SYNPR: variants seen among roughly 807,000 people sequenced by gnomAD.
SYNPR encodes synaptoporin.
SYNPR carries 23 observed loss-of-function variants against 32.9 expected under a neutral mutation model. That is an observed-to-expected ratio of 0.70 (90% confidence interval 0.50 to 0.99). SYNPR has a LOEUF of 0.99. Ranked by LOEUF, SYNPR falls within the 50% of genes least tolerant of loss-of-function variation. SYNPR has a pLI of 0.00. For synonymous variants in SYNPR, 146 were observed against 135.9 expected (o/e 1.07, Z -0.52); for missense variants, 318 against 349.3 (o/e 0.91, Z 0.71).
At chr3:63,579,199 C>T (rs749633964) in intron 4 of SYNPR, among the ~76,000 whole-genome samples, 1 of 152,054 alleles carries the variant, frequency 6.6e-6, no homozygotes, top group African/African-American at 2.4e-5. Flanking sequence ...CTGTTCAAAC[C>T]CATTTTAGGC....
intron 4 of SYNPR, among the ~76,000 whole-genome samples, chr3:63,572,281 C>T (rs995559508): frequency 8.3e-6 from 1 of 119,948 alleles, no homozygotes; most frequent in Non-Finnish European, 2.0e-5. Flanking sequence ...TTCTCCTTCT[C>T]CTCCTCCTCC....
At chr3:63,284,366 G>T (rs80277456) in intron 2 of SYNPR, among the ~76,000 whole-genome samples, 57 of 152,160 alleles carry the variant, frequency 3.7e-4, no homozygotes, top group African/African-American at 1.4e-3. Context: ...GGCTTGCATA[G>T]TTCTCCAACA....
In SYNPR at chr3:63,485,976, A is replaced by G. The variant is rs558749058; in HGVS notation, c.209+5020A>G. ...ATATGAGATTAGTAATCACTGTTCTAGATAATTAACAAAATTGTCCTTCAT... is the reference window on the plus strand; with the variant it reads ...ATATGAGATTAGTAATCACTGTTCTGGATAATTAACAAAATTGTCCTTCAT... On this transcript the variant is annotated intron_variant, in intron 3 of 5. Coordinates refer to ENST00000478300, the MANE Select transcript of SYNPR (RefSeq NM_001130003.2). 2.6e-5 allele frequency among the ~76,000 whole-genome samples: 4 copies of G among 152,348 alleles called. No individual in the cohort carries two copies. In the East Asian group the frequency reaches 7.7e-4, roughly 29 times the overall value.
rs189252402 is a variant in SYNPR at position 63,384,740 on chromosome 3, C to G, written c.85-96092C>G. Among the ~76,000 whole-genome samples the G allele has an allele frequency of 1.5e-4, 23 of 152,242 alleles. No individual in the cohort carries two copies. In the East Asian group the frequency reaches 4.1e-3, roughly 27 times the overall value. ...GTGTGGGACTGTGTTAAATGCTGTA[C>G]ATTGATTTTTCTCATCAAAACACCA... On this transcript the variant is annotated intron_variant, in intron 2 of 5. Coordinates refer to ENST00000478300, the MANE Select transcript of SYNPR (RefSeq NM_001130003.2).
intron 2 of SYNPR, among the ~76,000 whole-genome samples, chr3:63,262,663 C>T (rs1327567220): frequency 6.6e-6 from 1 of 152,110 alleles, no homozygotes; most frequent in African/African-American, 2.4e-5. Flanking sequence ...CGTGCCAAAG[C>T]CCAGCCCTAG....
At chr3:63,382,563 C>T (rs2087985720) in intron 2 of SYNPR, among the ~76,000 whole-genome samples, 1 of 152,186 alleles carries the variant, frequency 6.6e-6, no homozygotes, top group Non-Finnish European at 1.5e-5. Flanking sequence ...TTTGTCTGCC[C>T]TCATTGGTAT....
chr3:63,240,162 C>G (rs2086230634), intron 1 of SYNPR, among the ~76,000 whole-genome samples: 1 of 152,108 alleles, frequency 6.6e-6, no homozygotes, highest in Admixed American at 6.6e-5. Flanking sequence ...AGAGACTTAA[C>G]ATGCAAAGCA....
intron 2 of SYNPR, among the ~76,000 whole-genome samples, chr3:63,299,613 A>G (rs1320075706): frequency 6.6e-6 from 1 of 152,162 alleles, no homozygotes; most frequent in East Asian, 1.9e-4. Context: ...GACAGGCAGA[A>G]AAACATAGCT....
At chr3:63,466,100 C>T (rs903401813) in intron 2 of SYNPR, among the ~76,000 whole-genome samples, 1 of 152,124 alleles carries the variant, frequency 6.6e-6, no homozygotes, top group Admixed American at 6.6e-5. Flanking sequence ...TGTTGTTCTC[C>T]TCTATGTGTC....
chr3:63,342,356 T>A (rs2087381235), intron 2 of SYNPR, among the ~76,000 whole-genome samples: 1 of 152,218 alleles, frequency 6.6e-6, no homozygotes, highest in Non-Finnish European at 1.5e-5. Flanking sequence ...TAATATTTTC[T>A]CTGGACCAAT....
intron 3 of SYNPR, among the ~76,000 whole-genome samples, chr3:63,544,255 G>T (rs1200844674): frequency 6.6e-6 from 1 of 151,940 alleles, no homozygotes; most frequent in Non-Finnish European, 1.5e-5. Flanking sequence ...GACGATAAAG[G>T]GTACTTTTCC....
intron 4 of SYNPR, among the ~76,000 whole-genome samples, chr3:63,568,462 G>A (rs989902881): frequency 2.0e-5 from 3 of 152,082 alleles, no homozygotes; most frequent in Admixed American, 6.5e-5. Context: ...CCCTTCTTTG[G>A]GAGAACCACC....
intron 2 of SYNPR, among the ~76,000 whole-genome samples, chr3:63,396,996 C>G (rs2088223716): frequency 6.6e-6 from 1 of 150,774 alleles, no homozygotes; most frequent in East Asian, 2.0e-4. Context: ...CTCAGCCACT[C>G]AGGAGGCTGA....
At chr3:63,240,924 C>G (rs539288164) in intron 1 of SYNPR, among the ~76,000 whole-genome samples, 1 of 152,162 alleles carries the variant, frequency 6.6e-6, no homozygotes, top group South Asian at 2.1e-4. Context: ...TCCCCATTGA[C>G]CACACCCATG....
chr3:63,473,811 CAG>C (rs1323476365), intron 2 of SYNPR, among the ~76,000 whole-genome samples: 1 of 152,120 alleles, frequency 6.6e-6, no homozygotes, highest in Non-Finnish European at 1.5e-5. Flanking sequence ...TGGAGACAGC[CAG>C]AGAGACTAGA....
chr3:63,356,307 A>C (rs949873406), intron 2 of SYNPR, among the ~76,000 whole-genome samples: 6 of 152,228 alleles, frequency 3.9e-5, no homozygotes, highest in South Asian at 2.1e-4. Context: ...AGAATGTGTT[A>C]ACCACCACAG....
At chr3:63,567,167 C>A (rs1702803736) in intron 4 of SYNPR, among the ~76,000 whole-genome samples, 1 of 152,118 alleles carries the variant, frequency 6.6e-6, no homozygotes, top group Non-Finnish European at 1.5e-5. Context: ...ACTCTGTTCC[C>A]CTCCCTTCAG....
chr3:63,612,452 A>G (rs1700213214), intron 5 of SYNPR, among the ~76,000 whole-genome samples: 1 of 152,186 alleles, frequency 6.6e-6, no homozygotes, highest in African/African-American at 2.4e-5. Context: ...CACTCCAGAC[A>G]AATCTTAGTA....
At chr3:63,417,677 GA>G (rs571668903) in intron 2 of SYNPR, among the ~76,000 whole-genome samples, 85 of 152,306 alleles carry the variant, frequency 5.6e-4, no homozygotes, top group African/African-American at 2.0e-3. Flanking sequence ...CCCAATTCTT[GA>G]CTTCTGTGCA....
Sources: gnomAD v4.1 joint callset for allele counts (sites outside exome capture counted in the v4.1 genomes callset) on GRCh38, gnomAD v4.1.1 for gene constraint, MANE v1.5 for transcripts, NCBI Gene and HGNC (gene_info 2026-07-23, HGNC 2026-07-21) for gene names.